The following PDE8A variants were observed in gnomAD, a reference collection of about 807,000 sequenced individuals.
PDE8A encodes phosphodiesterase 8A.
Under a neutral mutation model 105.0 loss-of-function variants are expected in PDE8A, and 59 were observed. The ratio of observed to expected loss-of-function variants is 0.56; its 90% CI spans 0.46 to 0.70. PDE8A has a LOEUF of 0.70. Among genes scored for constraint, PDE8A ranks in the 30% least tolerant of loss-of-function variants. PDE8A has a pLI of 0.00. For synonymous variants in PDE8A, 355 were observed against 371.9 expected, an observed-to-expected ratio of 0.95 and a Z score of 0.52; for missense variants, 1,014 against 1,045.9, an observed-to-expected ratio of 0.97 and a Z score of 0.42.
chr15:85,137,674 G>A (rs1267616596), intron 21 of PDE8A, 123 bp from the exon 22 acceptor site: 14 of 631,564 alleles, frequency 2.2e-5, no homozygotes, highest in Non-Finnish European at 3.7e-5. Flanking sequence ...GTGTTTGCCC[G>A]GGTCTGTTTA....
At chr15:85,066,417 C>T (rs549420390) in intron 2 of PDE8A, among the ~76,000 whole-genome samples, 266 of 151,748 alleles carry the variant, frequency 1.8e-3, no homozygotes, top group Non-Finnish European at 3.2e-3. Context: ...AAAAATTAGC[C>T]GGGCATGTGG....
chr15:85,137,909 G>A lies in PDE8A; in HGVS notation c.*6G>A. On this transcript the variant is annotated 3_prime_UTR_variant, in exon 22 of 22. Transcript: ENST00000394553. ...TCCGACCACCTCCTGAATAGTGGGAGACACCACCCAGAGCCCTGAAGCTTT... is the reference window on the plus strand; with the variant it reads ...TCCGACCACCTCCTGAATAGTGGGAAACACCACCCAGAGCCCTGAAGCTTT... 3 of 1,539,006 alleles carry A rather than the reference G, an allele frequency of 1.9e-6. No homozygotes were observed. The highest frequency in any genetic ancestry group is 2.7e-6 in the Non-Finnish European group (3 of 1,111,618).
At chr15:85,036,764 AG>A (rs1193448090) in intron 1 of PDE8A, among the ~76,000 whole-genome samples, 1 of 152,192 alleles carries the variant, frequency 6.6e-6, no homozygotes, top group Non-Finnish European at 1.5e-5. Flanking sequence ...GGGACACAGT[AG>A]AAGAATCTCT....
At chr15:85,135,680 A>G (rs562470895) in intron 20 of PDE8A, among the ~76,000 whole-genome samples, 1 of 152,246 alleles carries the variant, frequency 6.6e-6, no homozygotes, top group African/African-American at 2.4e-5. Context: ...TTCCCACCCC[A>G]TGGACCTTAC....
chr15:85,133,988 C>T (rs1172050868), intron 20 of PDE8A, among the ~76,000 whole-genome samples: 1 of 152,022 alleles, frequency 6.6e-6, no homozygotes, highest in African/African-American at 2.4e-5. Flanking sequence ...ACTTGTAGAC[C>T]CTGCCTTGCA....
chr15:85,009,135 G>GT (rs2080200295), intron 1 of PDE8A, among the ~76,000 whole-genome samples: 1 of 150,812 alleles, frequency 6.6e-6, no homozygotes, highest in Admixed American at 6.6e-5. Flanking sequence ...GTGTGTGTGT[G>GT]TGTGTGTGTG....
intron 1 of PDE8A, among the ~76,000 whole-genome samples, chr15:85,049,043 A>T (rs915496534): frequency 5.3e-5 from 8 of 152,214 alleles, no homozygotes; most frequent in African/African-American, 1.9e-4. Flanking sequence ...TGGAGGTTGC[A>T]GTGAGCTGAG....
chr15:85,081,350 G>A (rs2081463713), intron 5 of PDE8A, among the ~76,000 whole-genome samples: 2 of 152,174 alleles, frequency 1.3e-5, no homozygotes, highest in African/African-American at 4.8e-5. Flanking sequence ...CATCCCTAGG[G>A]AGTCTGTTTC....
chr15:85,008,895 C>T (rs767664962), intron 1 of PDE8A, among the ~76,000 whole-genome samples: 2 of 152,170 alleles, frequency 1.3e-5, no homozygotes, highest in Non-Finnish European at 2.9e-5. Flanking sequence ...AGTTCAGCAC[C>T]TATTCCACCT....
chr15:85,009,675 T>C (rs1369487916), intron 1 of PDE8A, among the ~76,000 whole-genome samples: 1 of 152,226 alleles, frequency 6.6e-6, no homozygotes, highest in African/African-American at 2.4e-5. Flanking sequence ...AAATGTCACA[T>C]GCTGTTAGCA....
intron 9 of PDE8A, 50 bp from the exon 10 acceptor site, chr15:85,099,965 A>C (rs888498023): frequency 8.2e-6 from 12 of 1,458,798 alleles, no homozygotes; most frequent in Non-Finnish European, 1.0e-5. Flanking sequence ...CGACATATCC[A>C]TCAAATTAGA....
intron 6 of PDE8A, among the ~76,000 whole-genome samples, chr15:85,088,576 C>T (rs10852131): frequency 0.56 from 84,589 of 152,006 alleles, 24,910 homozygotes; most frequent in African/African-American, 0.77. Flanking sequence ...TGAACATTTG[C>T]GTATAAGTTT....
At chr15:84,992,705 A>G (rs965677854) in intron 1 of PDE8A, among the ~76,000 whole-genome samples, 4 of 152,196 alleles carry the variant, frequency 2.6e-5, no homozygotes, top group Non-Finnish European at 5.9e-5. Flanking sequence ...AAAACTGACT[A>G]GTGACAAATT....
intron 1 of PDE8A, among the ~76,000 whole-genome samples, chr15:84,986,032 C>T (rs565129428): frequency 6.6e-6 from 1 of 152,150 alleles, no homozygotes; most frequent in South Asian, 2.1e-4. Context: ...TGAGACCAGC[C>T]TGGACAACAT....
At chr15:85,071,034 A>G (rs995491366) in intron 3 of PDE8A, among the ~76,000 whole-genome samples, 2 of 152,230 alleles carry the variant, frequency 1.3e-5, no homozygotes, top group South Asian at 2.1e-4. Flanking sequence ...AAAATTGACC[A>G]TAGCAATAAT....
At position 85,100,194 on chromosome 15, in the gene PDE8A, T is replaced by C. The variant is rs2081837641; in HGVS notation, c.1032T>C (p.His344=). ...KISECVQSDT[H]TDNQTGKHKD... Reference sequence around the variant, plus strand: ...CCGAATGTGTTCAGTCTGACACTCATACAGGTACGGTGCCCCGTATTTATT... The same window carrying C: ...CCGAATGTGTTCAGTCTGACACTCACACAGGTACGGTGCCCCGTATTTATT... The change falls in exon 11 of 22, where the codon CAT becomes CAC. Residue 344 remains histidine, a synonymous_variant. Coordinates refer to ENST00000394553, the MANE Select transcript of PDE8A (RefSeq NM_002605.3). The C allele has an allele frequency of 8.1e-6, 13 of 1,612,562 alleles. No individual in the cohort carries two copies. Among genetic ancestry groups the C allele is most frequent in the Non-Finnish European group, 1.1e-5 (13 of 1,178,624 alleles).
intron 20 of PDE8A, among the ~76,000 whole-genome samples, chr15:85,129,902 A>G (rs2082307289): frequency 6.6e-6 from 1 of 152,128 alleles, no homozygotes; most frequent in African/African-American, 2.4e-5. Flanking sequence ...AGTATTTTCT[A>G]ATTTCCCTTA....
intron 1 of PDE8A, 68 bp downstream of exon 1, chr15:84,982,416 A>G: frequency 1.8e-6 from 2 of 1,104,424 alleles, no homozygotes; most frequent in South Asian, 5.5e-5. Context: ...ACTTTCCCGC[A>G]GGGGCCGGGC....
Position 85,130,556 on chromosome 15 carries a change from G to A in PDE8A, c.2253+4182G>A, listed in dbSNP as rs186818557. ...AATGTATACTCTACTGTTGTTGGGT[G>A]GATGTTCTATACATTCTGTTAGGTC... On this transcript the variant is annotated intron_variant, in intron 20 of 21. Coordinates refer to ENST00000394553, the MANE Select transcript of PDE8A (RefSeq NM_002605.3). 3.7e-3 allele frequency among the ~76,000 whole-genome samples: 564 copies of A among 152,214 alleles called. 4 individuals are homozygous for A. Among genetic ancestry groups the A allele is most frequent in the African/African-American group, 0.013 (533 of 41,524 alleles).
Sources: allele counts gnomAD v4.1 joint callset (sites outside exome capture counted in the v4.1 genomes callset), GRCh38; gene constraint gnomAD v4.1.1; transcripts MANE v1.5; gene names NCBI Gene and HGNC (gene_info 2026-07-23, HGNC 2026-07-21).